The following HOXD12 variants were observed in gnomAD, a reference collection of about 807,000 sequenced individuals.
HOXD12 encodes the protein homeobox D12, also known as homeobox protein Hox-D12.
A neutral mutation model predicts 20.2 loss-of-function variants in HOXD12; 21 were observed. The observed-to-expected ratio is 1.04, with a 90% CI of 0.74 to 1.50. The LOEUF (loss-of-function observed/expected upper bound fraction) is 1.50, where lower values mean the gene tolerates loss of function less well. HOXD12 is among the 40% of genes most tolerant of loss of function. The pLI is 0.00. For synonymous variants in HOXD12, 196 were observed against 168.8 expected, an observed-to-expected ratio of 1.16 and a Z score of -1.25; for missense variants, 472 against 365.5, an observed-to-expected ratio of 1.29 and a Z score of -2.38.
Position 176,099,827 on chromosome 2 carries a change from C to A in HOXD12, c.26C>A (p.Ala9Glu), listed in dbSNP as rs1029875606. 2 of 1,530,748 alleles carry A rather than the reference C, an allele frequency of 1.3e-6. No homozygotes were observed. The highest frequency in any genetic ancestry group is 1.3e-5 in the South Asian group (1 of 77,652). 94.8% of individuals were successfully genotyped at this position (1,530,748 alleles called of 1,614,324 possible). The change falls in exon 1 of 2, where the codon GCG becomes GAG. Residue 9 changes from alanine to glutamate, a missense_variant. Coordinates refer to ENST00000406506, the MANE Select transcript of HOXD12 (RefSeq NM_021193.4). ...ATGTGTGAGCGCAGTCTCTACAGAG[C>A]GGGCTATGTGGGCTCGCTTCTGAAT... MCERSLYRAGYVGSLLNLQ... is the reference protein window; with the variant it reads MCERSLYREGYVGSLLNLQ...
In HOXD12 at chr2:176,101,132, C is replaced by G. The variant is rs890319341; in HGVS notation, c.*372C>G. 3.0e-6 allele frequency: 1 copy of G among 337,362 alleles called. No homozygotes were observed. The highest frequency in any genetic ancestry group is 4.7e-5 in the Admixed American group (1 of 21,388). The allele number at this position is 337,362 out of a possible 1,614,324, so 20.9% of individuals were successfully genotyped here. On this transcript the variant is annotated 3_prime_UTR_variant, in exon 2 of 2. Coordinates refer to ENST00000406506, the MANE Select transcript of HOXD12 (RefSeq NM_021193.4). ...TTCTCCCTTTCCCCCTCTCTCCAGC[C>G]CCTTCAGCGTATAGCAGTCGCCTAG...
Position 176,099,828 on chromosome 2 carries a change from G to C in HOXD12, c.27G>C (p.Ala9=), listed in dbSNP as rs1299566616. Residue 9 remains alanine, a synonymous_variant, in exon 1 of 2, where the codon GCG becomes GCC. Coordinates refer to ENST00000406506, the MANE Select transcript of HOXD12 (RefSeq NM_021193.4). ...TGTGTGAGCGCAGTCTCTACAGAGC[G>C]GGCTATGTGGGCTCGCTTCTGAATC... MCERSLYR[A]GYVGSLLNLQ... is the part of the protein sequence containing the mutation. 6.5e-7 allele frequency: 1 copy of C among 1,532,974 alleles called. No individual in the cohort carries two copies. Among genetic ancestry groups the C allele is most frequent in the Admixed American group, 2.2e-5 (1 of 45,222 alleles). The allele number at this position is 1,532,974 out of a possible 1,614,324, so 95.0% of individuals were successfully genotyped here. A position where few individuals can be genotyped will look rare whatever the true frequency, so the allele number is the denominator to read the frequency against.
Position 176,099,813 on chromosome 2 carries a change from C to A in HOXD12, c.12C>A (p.Arg4=). 1 of 1,490,690 alleles carries A rather than the reference C, an allele frequency of 6.7e-7. No individual in the cohort carries two copies. Among genetic ancestry groups the A allele is most frequent in the Non-Finnish European group, 8.9e-7 (1 of 1,122,940 alleles). 92.3% of individuals were successfully genotyped at this position (1,490,690 alleles called of 1,614,324 possible). A position where few individuals can be genotyped will look rare whatever the true frequency, so the allele number is the denominator to read the frequency against. The change falls in exon 1 of 2, where the codon CGC becomes CGA. Residue 4 remains arginine, a synonymous_variant. Transcript: ENST00000406506. ...GCCCTTTGTTGGAGATGTGTGAGCGCAGTCTCTACAGAGCGGGCTATGTGG... is the reference window on the plus strand; with the variant it reads ...GCCCTTTGTTGGAGATGTGTGAGCGAAGTCTCTACAGAGCGGGCTATGTGG... MCE[R]SLYRAGYVGS...
In HOXD12 at chr2:176,099,976, G is replaced by A. The variant is rs1216506512; in HGVS notation, c.175G>A (p.Ala59Thr). ...LPWAATPASC[A>T]PAQPAGATAF... ...CTGGGCCGCCACGCCCGCCTCCTGCGCCCCCGCGCAGCCTGCGGGCGCCAC... is the reference window on the plus strand; with the variant it reads ...CTGGGCCGCCACGCCCGCCTCCTGCACCCCCGCGCAGCCTGCGGGCGCCAC... The change falls in exon 1 of 2, where the codon GCC becomes ACC. Residue 59 changes from alanine (A) to threonine (T), a missense_variant. Physicochemically the swap from Ala to Thr is moderately conservative, Grantham distance 58. Coordinates refer to ENST00000406506, the MANE Select transcript of HOXD12 (RefSeq NM_021193.4). 6 of 1,592,978 alleles carry A rather than the reference G, an allele frequency of 3.8e-6. No homozygotes were observed. Among genetic ancestry groups the A allele is most frequent in the African/African-American group, 1.4e-5 (1 of 73,840 alleles).
chr2:176,100,486 C>A lies in HOXD12; in HGVS notation c.575-36C>A, dbSNP rs761488775. ...CTGGGGGCGGGCAATAGACAGAGTA[C>A]GGGCTGGGTTGACGTGGGTTGGGGC... is the stretch of plus-strand genomic sequence containing the variant. On this transcript the variant is annotated intron_variant, in intron 1 of 1. Transcript: ENST00000406506. The A allele has an allele frequency of 5.7e-6, 9 of 1,586,236 alleles. No individual in the cohort carries two copies. The African/African-American group carries it at 1.2e-4, about 21-fold the overall frequency.
In HOXD12 at chr2:176,100,303, G is replaced by A. The variant is rs1409232133; in HGVS notation, c.502G>A (p.Gly168Ser). The part of the protein sequence containing the change: ...CAPGFKDDTK[G>S]PLNLNMTVQA... ...CCCTGGCTTCAAGGACGACACCAAG[G>A]GCCCGCTCAACTTGAACATGACAGT... The change falls in exon 1 of 2, where the codon GGC (glycine) becomes AGC (serine). Residue 168 changes from glycine to serine, a missense_variant. Physicochemically the swap from Gly to Ser is moderately conservative, Grantham distance 56 (BLOSUM62 0). Coordinates refer to ENST00000406506, the MANE Select transcript of HOXD12 (RefSeq NM_021193.4). 3 of 1,612,660 alleles carry A rather than the reference G, an allele frequency of 1.9e-6. No homozygotes were observed. In the South Asian group the frequency reaches 3.3e-5, roughly 18 times the overall value.
At position 176,100,129 on chromosome 2, in the gene HOXD12, G is replaced by A; in HGVS notation, c.328G>A (p.Glu110Lys). 1 of 1,610,658 alleles carries A rather than the reference G, an allele frequency of 6.2e-7. No homozygotes were observed. Among genetic ancestry groups the A allele is most frequent in the South Asian group, 1.1e-5 (1 of 90,918 alleles). ...TGCGCCCGAAGCGGCCGCTGGGCCA[G>A]AGGAGCGCGGTCGTACCCGGCCGTC... ...FYAPEAAAGP[E>K]ERGRTRPSFA... Residue 110 changes from glutamate to lysine, a missense_variant, in exon 1 of 2, where the codon GAG (glutamate) becomes AAG (lysine). Glu to Lys is a moderately conservative substitution (Grantham distance 56, BLOSUM62 1). Transcript: ENST00000406506.
rs754784858 is a variant in HOXD12 at position 176,100,204 on chromosome 2, G to T, written c.403G>T (p.Ala135Ser). 6.2e-7 allele frequency: 1 copy of T among 1,612,212 alleles called. No homozygotes were observed. Among genetic ancestry groups the T allele is most frequent in the Admixed American group, 1.7e-5 (1 of 59,992 alleles). ...TCCTGCAGTGGCTGCTCTCAAAGCG[G>T]CCAAGTATGACTACGCTGGTGTGGG... is the stretch of plus-strand genomic sequence containing the variant. ...LAPAVAALKA[A>S]KYDYAGVGRA... Residue 135 changes from alanine (A) to serine (S), a missense_variant, in exon 1 of 2, where the codon GCC (alanine) becomes TCC (serine). Transcript: ENST00000406506.
At position 176,099,796 on chromosome 2, in the gene HOXD12, T is replaced by G. The variant is rs756160091; in HGVS notation, c.-6T>G. The G allele has an allele frequency of 4.5e-5, 65 of 1,453,200 alleles. 1 individual carries two copies. In the South Asian group the frequency reaches 9.1e-4, roughly 20 times the overall value. 90.0% of individuals were successfully genotyped at this position (1,453,200 alleles called of 1,614,324 possible). A position where few individuals can be genotyped will look rare whatever the true frequency, so the allele number is the denominator to read the frequency against. On this transcript the variant is annotated 5_prime_UTR_variant, in exon 1 of 2. Transcript: ENST00000406506. ...TTGCGAGCGCAGCCGAAGCCCTTTG[T>G]TGGAGATGTGTGAGCGCAGTCTCTA...
Position 176,100,739 on chromosome 2 carries a change from G to A in HOXD12, c.792G>A (p.Glu264=). The A allele has an allele frequency of 4.3e-6, 7 of 1,613,344 alleles. No homozygotes were observed. Among genetic ancestry groups the A allele is most frequent in the Non-Finnish European group, 5.9e-6 (7 of 1,179,470 alleles). ...AGAAGAAGCGCGTGGTGCTTCGGGAGCAGGCGCTGGCGCTCTACTAGCCGC... is the reference window on the plus strand; with the variant it reads ...AGAAGAAGCGCGTGGTGCTTCGGGAACAGGCGCTGGCGCTCTACTAGCCGC... ...RMKKKRVVLR[E]QALALY The change falls in exon 2 of 2, where the codon GAG becomes GAA. Residue 264 remains glutamate, a synonymous_variant. Coordinates refer to ENST00000406506, the MANE Select transcript of HOXD12 (RefSeq NM_021193.4).
Position 176,101,116 on chromosome 2 carries a change from T to TC in HOXD12, c.*361dup, listed in dbSNP as rs576410659. On this transcript the variant is annotated 3_prime_UTR_variant, in exon 2 of 2. Transcript: ENST00000406506. ...GTTTCCACCCAATTCGTTCTCCCTT[T>TC]CCCCCTCTCTCCAGCCCCTTCAGCG... 4.0e-4 allele frequency: 144 copies of TC among 361,728 alleles called. 1 individual carries two copies. Among genetic ancestry groups the TC allele is most frequent in the African/African-American group, 2.8e-3 (135 of 48,014 alleles). 22.4% of individuals were successfully genotyped at this position (361,728 alleles called of 1,614,324 possible).
chr2:176,100,158 C>T lies in HOXD12; in HGVS notation c.357C>T (p.Phe119=), dbSNP rs774503804. ...PEERGRTRPS[F]APESSLAPAV... is the part of the protein sequence containing the mutation. ...AGCGCGGTCGTACCCGGCCGTCCTTCGCCCCCGAGTCTAGCCTGGCTCCTG... is the reference window on the plus strand; with the variant it reads ...AGCGCGGTCGTACCCGGCCGTCCTTTGCCCCCGAGTCTAGCCTGGCTCCTG... Residue 119 remains phenylalanine, a synonymous_variant, in exon 1 of 2, where the codon TTC becomes TTT. Transcript: ENST00000406506. 6.2e-6 allele frequency: 10 copies of T among 1,611,866 alleles called. No individual in the cohort carries two copies. The highest frequency in any genetic ancestry group is 2.7e-5 in the African/African-American group (2 of 74,940).
At position 176,100,337 on chromosome 2, in the gene HOXD12, C is replaced by A; in HGVS notation, c.536C>A (p.Ala179Glu). 6.2e-7 allele frequency: 1 copy of A among 1,612,630 alleles called. No individual in the cohort carries two copies. The highest frequency in any genetic ancestry group is 8.5e-7 in the Non-Finnish European group (1 of 1,179,840). The change falls in exon 1 of 2, where the codon GCG becomes GAG. Residue 179 changes from alanine (A) to glutamate (E), a missense_variant. Ala to Glu is a moderately radical substitution (Grantham distance 107, BLOSUM62 -1). Coordinates refer to ENST00000406506, the MANE Select transcript of HOXD12 (RefSeq NM_021193.4). ...AACTTGAACATGACAGTGCAGGCGG[C>A]GGGCGTTGCCTCTTGCCTGCGACCT... ...PLNLNMTVQA[A>E]GVASCLRPSL...
chr2:176,101,692 G>A lies in HOXD12; in HGVS notation c.*932G>A, dbSNP rs1574946936. On this transcript the variant is annotated 3_prime_UTR_variant, in exon 2 of 2. Transcript: ENST00000406506. ...AGAGGGAAAAATATCCAGGGGAGGAGAAGGGAGTGAATAAGAGGAGGAGGG... is the reference window on the plus strand; with the variant it reads ...AGAGGGAAAAATATCCAGGGGAGGAAAAGGGAGTGAATAAGAGGAGGAGGG... Among the ~76,000 whole-genome samples, 2 of 152,316 alleles carry A rather than the reference G, an allele frequency of 1.3e-5. No homozygotes were observed. The highest frequency in any genetic ancestry group is 4.1e-4 in the South Asian group (2 of 4,824).
rs2593776 is a variant in HOXD12 at position 176,100,552 on chromosome 2, C to T, written c.605C>T (p.Ala202Val). Residue 202 changes from alanine to valine, a missense_variant, in exon 2 of 2, where the codon GCC (alanine) becomes GTC (valine). By Grantham distance (64) the Ala-to-Val change is moderately conservative (BLOSUM62 0). Transcript: ENST00000406506. Reference protein sequence around the residue: ...GLPWGAAPGRARKKRKPYTKQ... With the variant: ...GLPWGAAPGRVRKKRKPYTKQ... ...CCGTGGGGGGCGGCCCCGGGGAGGG[C>T]CCGCAAGAAGCGGAAACCCTACACG... 2 of 1,609,244 alleles carry T rather than the reference C, an allele frequency of 1.2e-6. No homozygotes were observed. Among genetic ancestry groups the T allele is most frequent in the East Asian group, 2.2e-5 (1 of 44,666 alleles).
chr2:176,101,112 C>T lies in HOXD12; in HGVS notation c.*352C>T, dbSNP rs372443184. The T allele has an allele frequency of 4.7e-5, 18 of 380,048 alleles. No individual in the cohort carries two copies. Among genetic ancestry groups the T allele is most frequent in the African/African-American group, 3.7e-4 (18 of 48,548 alleles). The allele number at this position is 380,048 out of a possible 1,614,324, so 23.5% of individuals were successfully genotyped here. ...TTCTGTTTCCACCCAATTCGTTCTC[C>T]CTTTCCCCCTCTCTCCAGCCCCTTC... On this transcript the variant is annotated 3_prime_UTR_variant, in exon 2 of 2. Transcript: ENST00000406506.
rs759538472 is a variant in HOXD12, at chr2:176,100,337, C to T, written c.536C>T (p.Ala179Val). 7 of 1,612,512 alleles carry T rather than the reference C, an allele frequency of 4.3e-6. No individual in the cohort carries two copies. In the South Asian group the frequency reaches 5.5e-5, roughly 13 times the overall value. The stretch of plus-strand genomic sequence containing the variant: ...AACTTGAACATGACAGTGCAGGCGG[C>T]GGGCGTTGCCTCTTGCCTGCGACCT... ...PLNLNMTVQAAGVASCLRPSL... is the reference protein window; with the variant it reads ...PLNLNMTVQAVGVASCLRPSL... The change falls in exon 1 of 2, where the codon GCG becomes GTG. Residue 179 changes from alanine (A) to valine (V), a missense_variant. By Grantham distance (64) the Ala-to-Val change is moderately conservative (BLOSUM62 0). Coordinates refer to ENST00000406506, the MANE Select transcript of HOXD12 (RefSeq NM_021193.4).
intron 1 of HOXD12, 51 bp from the exon 2 acceptor site, chr2:176,100,471 G>T: frequency 6.3e-7 from 1 of 1,584,886 alleles, no homozygotes; most frequent in Non-Finnish European, 8.6e-7. Context: ...CTGGGGGCGG[G>T]CAATAGACAG....
Position 176,100,550 on chromosome 2 carries a change from G to A in HOXD12, c.603G>A (p.Arg201=). Reference sequence around the variant, plus strand: ...TGCCGTGGGGGGCGGCCCCGGGGAGGGCCCGCAAGAAGCGGAAACCCTACA... The same window carrying A: ...TGCCGTGGGGGGCGGCCCCGGGGAGAGCCCGCAAGAAGCGGAAACCCTACA... ...DGLPWGAAPG[R]ARKKRKPYTK... Residue 201 remains arginine, a synonymous_variant, in exon 2 of 2, where the codon AGG becomes AGA. Transcript: ENST00000406506. 6.2e-7 allele frequency: 1 copy of A among 1,609,628 alleles called. No homozygotes were observed. The highest frequency in any genetic ancestry group is 1.3e-5 in the African/African-American group (1 of 74,980).
Sources: allele counts gnomAD v4.1 joint callset (sites outside exome capture counted in the v4.1 genomes callset), GRCh38; gene constraint gnomAD v4.1.1; transcripts MANE v1.5; gene names NCBI Gene and HGNC (gene_info 2026-07-23, HGNC 2026-07-21).